The following BMX variants were observed in gnomAD, a reference collection of about 807,000 sequenced individuals.
The protein encoded by BMX is BMX non-receptor tyrosine kinase, also known as cytoplasmic tyrosine-protein kinase BMX.
A neutral mutation model predicts 59.2 loss-of-function variants in BMX; 31 were observed. The observed-to-expected ratio is 0.52, with a 90% CI of 0.39 to 0.71. The LOEUF is 0.71. Among genes scored for constraint, BMX ranks in the 30% least tolerant of loss-of-function variants. BMX has a pLI of 0.00. For missense variants in BMX, 474 were observed against 491.7 expected (o/e 0.96, Z 0.34); for synonymous variants, 185 against 181.0 (o/e 1.02, Z -0.18).
chrX:15,552,332 G>T (rs748909838), intron 18 of BMX, among the ~76,000 whole-genome samples: 2 of 111,840 alleles, frequency 1.8e-5, no homozygotes, highest in African/African-American at 3.2e-5. Context: ...GCCAGCCAGG[G>T]TCACCCTCTT....
intron 7 of BMX, among the ~76,000 whole-genome samples, 153 bp downstream of exon 7, chrX:15,522,740 GC>G (rs1924527678): frequency 8.9e-6 from 1 of 112,164 alleles, no homozygotes; most frequent in Non-Finnish European, 1.9e-5. Context: ...GGAAGCAGTG[GC>G]CCCACTGGGG....
chrX:15,508,861 C>T (rs1192523330), intron 2 of BMX, among the ~76,000 whole-genome samples: 1 of 111,519 alleles, frequency 9.0e-6, no homozygotes, highest in Non-Finnish European at 1.9e-5. Context: ...TGCAGCTAAC[C>T]ATCCTGCAGT....
intron 5 of BMX, among the ~76,000 whole-genome samples, chrX:15,516,503 T>C (rs919326209): frequency 2.7e-5 from 3 of 111,960 alleles, no homozygotes; most frequent in African/African-American, 9.7e-5. Flanking sequence ...AATCAAGCAA[T>C]GAGCTGTTAT....
rs771919307 is a variant in BMX, at chrX:15,549,928, C to T, written c.1884C>T (p.Gly628=). The change falls in exon 18 of 19, where the codon GGC becomes GGT. Residue 628 remains glycine (G), a synonymous_variant. Coordinates refer to ENST00000348343, the MANE Select transcript of BMX (RefSeq NM_203281.3). ...NSQVVLKVSQ[G]HRLYRPHLAS... is the part of the protein sequence containing the mutation. Reference sequence around the variant, plus strand: ...AGGTGGTTCTGAAGGTCTCCCAGGGCCACAGGCTTTACCGGCCCCACCTGG... The same window carrying T: ...AGGTGGTTCTGAAGGTCTCCCAGGGTCACAGGCTTTACCGGCCCCACCTGG... 4 of 1,207,966 alleles carry T rather than the reference C, an allele frequency of 3.3e-6. 1 individual carries two copies. In the Admixed American group the frequency reaches 6.6e-5, roughly 20 times the overall value.
intron 9 of BMX, among the ~76,000 whole-genome samples, chrX:15,526,687 G>A (rs894703781): frequency 9.4e-6 from 1 of 106,774 alleles, no homozygotes; most frequent in African/African-American, 3.5e-5. Context: ...CTAGGTTCAA[G>A]CAATTCTCCT....
chrX:15,537,763 G>A (rs1313298924), intron 14 of BMX, among the ~76,000 whole-genome samples: 1 of 111,206 alleles, frequency 9.0e-6, no homozygotes, highest in Non-Finnish European at 1.9e-5. Context: ...TTACCCTTAA[G>A]CGGACAGACT....
At chrX:15,510,992 TGGATA>T (rs747781490) in intron 3 of BMX, among the ~76,000 whole-genome samples, 111 of 112,159 alleles carry the variant, frequency 9.9e-4, no homozygotes, top group Non-Finnish European at 1.5e-3. Context: ...TCAGAATATA[TGGATA>T]TTGGCAGAGA....
At chrX:15,532,847 C>A (rs1925147102) in intron 11 of BMX, among the ~76,000 whole-genome samples, 1 of 112,564 alleles carries the variant, frequency 8.9e-6, no homozygotes, top group African/African-American at 3.2e-5. Flanking sequence ...TGGATGCTGG[C>A]TAAAGCCAAC....
intron 18 of BMX, 33 bp from the exon 19 acceptor site, chrX:15,556,040 T>C: frequency 1.7e-6 from 2 of 1,166,190 alleles, no homozygotes; most frequent in East Asian, 3.0e-5. Context: ...TCTCATCATC[T>C]AAAACATTGG....
chrX:15,540,718 C>G (rs2147135473), intron 14 of BMX, among the ~76,000 whole-genome samples: 1 of 111,634 alleles, frequency 9.0e-6, no homozygotes, highest in African/African-American at 3.3e-5. Flanking sequence ...CCCAAAAAGG[C>G]TAATACCTCC....
chrX:15,513,883 A>G (rs1239884544), intron 4 of BMX, among the ~76,000 whole-genome samples: 1 of 111,984 alleles, frequency 8.9e-6, no homozygotes, highest in African/African-American at 3.2e-5. Context: ...ACTTCAGTTT[A>G]CCTAACTCTG....
chrX:15,542,980 G>C, intron 15 of BMX, 91 bp from the exon 16 acceptor site: 1 of 890,480 alleles, frequency 1.1e-6, no homozygotes, highest in Non-Finnish European at 1.6e-6. Flanking sequence ...GGTAATCTTA[G>C]ATTTTGCTGA....
chrX:15,545,207 A>G (rs1925890300), intron 16 of BMX, among the ~76,000 whole-genome samples: 1 of 112,374 alleles, frequency 8.9e-6, no homozygotes, highest in South Asian at 3.7e-4. Flanking sequence ...TCTGAGGGGC[A>G]TAAGGCAGAG....
Position 15,536,365 on chromosome X carries a change from G to C in BMX, c.1160G>C (p.Arg387Pro). 1 of 1,209,015 alleles carries C rather than the reference G, an allele frequency of 8.3e-7. No individual in the cohort carries two copies. Among genetic ancestry groups the C allele is most frequent in the Non-Finnish European group, 1.1e-6 (1 of 893,997 alleles). ...GATTCCATTGCAGGCATGATCACAC[G>C]GCTCCGCCACCCTGTGTCAACAAAG... Reference protein sequence around the residue: ...HQHNSAGMITRLRHPVSTKAN... With the variant: ...HQHNSAGMITPLRHPVSTKAN... The change falls in exon 13 of 19, where the codon CGG becomes CCG. Residue 387 changes from arginine (R) to proline (P), a missense_variant. By Grantham distance (103) the Arg-to-Pro change is moderately radical. Transcript: ENST00000348343.
At chrX:15,520,151 G>T (rs1285165549) in intron 6 of BMX, among the ~76,000 whole-genome samples, 1 of 112,425 alleles carries the variant, frequency 8.9e-6, no homozygotes, top group African/African-American at 3.2e-5. Flanking sequence ...ATAAATTTTT[G>T]TGGTTCTAAT....
intron 3 of BMX, among the ~76,000 whole-genome samples, chrX:15,511,087 T>C (rs1198078433): frequency 9.0e-6 from 1 of 111,725 alleles, no homozygotes; most frequent in Non-Finnish European, 1.9e-5. Context: ...CAGTGGGCTG[T>C]AAGGAAATCA....
intron 9 of BMX, among the ~76,000 whole-genome samples, chrX:15,529,100 G>T (rs1433786651): frequency 9.0e-6 from 1 of 111,634 alleles, no homozygotes; most frequent in Non-Finnish European, 1.9e-5. Flanking sequence ...AAGGCCAAGT[G>T]GCTTGTTCAA....
At chrX:15,527,242 AC>A (rs1924801719) in intron 9 of BMX, among the ~76,000 whole-genome samples, 4 of 23,641 alleles carry the variant, frequency 1.7e-4, no homozygotes, top group African/African-American at 6.7e-4. Context: ...ACACACACAC[AC>A]ACAAATATAT....
chrX:15,502,074 G>C (rs1923589416), intron 1 of BMX, among the ~76,000 whole-genome samples: 1 of 111,803 alleles, frequency 8.9e-6, no homozygotes, highest in South Asian at 3.7e-4. Context: ...ATCTACTAGG[G>C]TGTTGGGCAT....
Sources: gnomAD v4.1 joint callset for allele counts (sites outside exome capture counted in the v4.1 genomes callset) on GRCh38, gnomAD v4.1.1 for gene constraint, MANE v1.5 for transcripts, NCBI Gene and HGNC (gene_info 2026-07-23, HGNC 2026-07-21) for gene names.